The following SHANK2 variants were observed in gnomAD, a reference collection of about 807,000 sequenced individuals.
The protein encoded by SHANK2 is SH3 and multiple ankyrin repeat domains protein 2.
A neutral mutation model predicts 133.7 loss-of-function variants in SHANK2; 43 were observed. That is an observed-to-expected ratio of 0.32 (90% confidence interval 0.25 to 0.41). The LOEUF (loss-of-function observed/expected upper bound fraction) is 0.41, where lower values mean the gene tolerates loss of function less well. SHANK2 is among the 10% of genes least tolerant of loss of function. The probability of loss-of-function intolerance (pLI) is 1.00; values close to 1 mark genes in which losing one functional copy is unlikely to be tolerated. For synonymous variants in SHANK2, 1,017 were observed against 952.8 expected, an observed-to-expected ratio of 1.07 and a Z score of -1.24; for missense variants, 1,994 against 2,235.8, an observed-to-expected ratio of 0.89 and a Z score of 2.18.
intron 14 of SHANK2, among the ~76,000 whole-genome samples, chr11:70,725,264 C>T (rs782328581): frequency 3.9e-5 from 6 of 152,236 alleles, no homozygotes; most frequent in Non-Finnish European, 8.8e-5. Flanking sequence ...ATGCCACTAA[C>T]ACCCCAAAGC....
At chr11:70,644,153 C>A (rs73523888) in intron 17 of SHANK2, among the ~76,000 whole-genome samples, 10,450 of 152,170 alleles carry the variant, frequency 0.069, 659 homozygotes, top group African/African-American at 0.17. Context: ...TTAAAAATTC[C>A]AAATTTAAAA....
intron 2 of SHANK2, among the ~76,000 whole-genome samples, chr11:71,192,803 T>C (rs1208118846): frequency 6.6e-6 from 1 of 152,212 alleles, no homozygotes; most frequent in Non-Finnish European, 1.5e-5. Flanking sequence ...TCAGAGGCTA[T>C]CAGCTCATAA....
intron 10 of SHANK2, among the ~76,000 whole-genome samples, chr11:70,905,185 G>A (rs1950081552): frequency 6.6e-6 from 1 of 152,084 alleles, no homozygotes; most frequent in Non-Finnish European, 1.5e-5. Context: ...GAGGACCTGG[G>A]GCTGTCTGGT....
intron 21 of SHANK2, among the ~76,000 whole-genome samples, chr11:70,497,377 G>A (rs1423815464): frequency 4.6e-5 from 7 of 152,350 alleles, no homozygotes; most frequent in African/African-American, 1.7e-4. Context: ...TCTGGATGAA[G>A]GGGATTAGTG....
intron 11 of SHANK2, among the ~76,000 whole-genome samples, chr11:70,878,321 C>G (rs1555071746): frequency 6.6e-6 from 1 of 152,160 alleles, no homozygotes; most frequent in African/African-American, 2.4e-5. Context: ...AGGTCTAGAC[C>G]CTAACACTGG....
At chr11:70,809,903 A>G (rs1246615513) in intron 12 of SHANK2, among the ~76,000 whole-genome samples, 1 of 152,186 alleles carries the variant, frequency 6.6e-6, no homozygotes, top group Non-Finnish European at 1.5e-5. Flanking sequence ...CACAGCCACA[A>G]ATGTGGCAGT....
chr11:70,776,270 C>T (rs551604979), intron 14 of SHANK2, among the ~76,000 whole-genome samples: 1 of 152,340 alleles, frequency 6.6e-6, no homozygotes, highest in East Asian at 1.9e-4. Context: ...GGTCACCCAC[C>T]CCTCCCATGT....
rs547608916 is a variant in SHANK2 at position 70,911,074 on chromosome 11, C to T, written c.1108-14507G>A. The T allele has an allele frequency of 1.8e-5, 8 of 456,992 alleles. No homozygotes were observed. The East Asian group carries it at 5.6e-4, about 32-fold the overall frequency. 28.3% of individuals were successfully genotyped at this position (456,992 alleles called of 1,614,324 possible). The stretch of plus-strand genomic sequence containing the variant: ...CAGAAGATCGGCATTCACCCCCAGA[C>T]TTCCTCCAAAATCACTCCACAGGCA... On this transcript the variant is annotated intron_variant, in intron 10 of 25. Coordinates refer to ENST00000601538, the MANE Select transcript of SHANK2 (RefSeq NM_012309.5).
chr11:71,217,709 T>C (rs1239595111), intron 2 of SHANK2, among the ~76,000 whole-genome samples: 4 of 152,210 alleles, frequency 2.6e-5, no homozygotes, highest in Non-Finnish European at 5.9e-5. Context: ...GATTTGTGTC[T>C]TAGTTTTTAA....
chr11:70,828,501 C>A (rs1555057661), intron 11 of SHANK2, among the ~76,000 whole-genome samples: 1 of 152,252 alleles, frequency 6.6e-6, no homozygotes, highest in African/African-American at 2.4e-5. Context: ...AGAGTTCATG[C>A]ACCTCCTCGG....
rs2059529013 is a variant in SHANK2, at chr11:70,535,295, C to A, written c.2062-32364G>T. On this transcript the variant is annotated intron_variant, in intron 17 of 25. Coordinates refer to ENST00000601538, the MANE Select transcript of SHANK2 (RefSeq NM_012309.5). The surrounding 1 kb of genome is among the most constrained non-coding windows in gnomAD (Gnocchi z 4.3). ...TCTGTCCTTCCATCCATCCTCTATC[C>A]TCCATCATTCAGTCCATCCATCACT... Among the ~76,000 whole-genome samples, 1 of 152,024 alleles carries A rather than the reference C, an allele frequency of 6.6e-6. No individual in the cohort carries two copies. The highest frequency in any genetic ancestry group is 2.4e-5 in the African/African-American group (1 of 41,376).
In SHANK2 at chr11:70,718,700, C is replaced by CTTTTT. The variant is rs60414874; in HGVS notation, c.1778-19942_1778-19938dup. ...CTCCCTTTTTGATAGAGCTCATTCT[C>CTTTTT]TTTTTTTTTTTTTGAATTGCTGGCC... On this transcript the variant is annotated intron_variant, in intron 14 of 25. Coordinates refer to ENST00000601538, the MANE Select transcript of SHANK2 (RefSeq NM_012309.5). 4.9e-4 allele frequency among the ~76,000 whole-genome samples: 63 copies of CTTTTT among 129,784 alleles called. 1 individual carries two copies. The highest frequency in any genetic ancestry group is 6.9e-4 in the Non-Finnish European group (44 of 63,666). The allele number at this position is 129,784 out of a possible 152,430, so 85.1% of individuals were successfully genotyped here.
chr11:70,918,026 T>TCG (rs1950293785), intron 10 of SHANK2, among the ~76,000 whole-genome samples: 1 of 149,934 alleles, frequency 6.7e-6, no homozygotes, highest in Non-Finnish European at 1.5e-5. Flanking sequence ...AGTTTTTTTT[T>TCG]TTTTTTTTTT....
At chr11:71,247,819 C>A (rs1241948943) in intron 1 of SHANK2, among the ~76,000 whole-genome samples, 2 of 152,166 alleles carry the variant, frequency 1.3e-5, no homozygotes, top group African/African-American at 4.8e-5. Context: ...CTGAGCTAAC[C>A]CCAGAGTCGC....
chr11:70,614,771 A>G (rs555464444), intron 17 of SHANK2, among the ~76,000 whole-genome samples: 1 of 152,282 alleles, frequency 6.6e-6, no homozygotes, highest in Admixed American at 6.5e-5. Flanking sequence ...GATCTCCAAG[A>G]GTCTGTGTGC....
At chr11:70,831,162 C>T (rs1256910380) in intron 11 of SHANK2, among the ~76,000 whole-genome samples, 2 of 152,156 alleles carry the variant, frequency 1.3e-5, no homozygotes, top group East Asian at 1.9e-4. Flanking sequence ...AAGCTATCCA[C>T]CTGCCTGCCT....
chr11:70,657,360 A>G (rs12272486), intron 17 of SHANK2, among the ~76,000 whole-genome samples: 5,235 of 152,310 alleles, frequency 0.034, 309 homozygotes, highest in African/African-American at 0.12. Flanking sequence ...GCTCTTCACT[A>G]AAAATAGAGA....
intron 14 of SHANK2, among the ~76,000 whole-genome samples, chr11:70,736,756 C>T (rs1011891363): frequency 1.2e-4 from 19 of 152,250 alleles, no homozygotes; most frequent in Admixed American, 4.6e-4. Flanking sequence ...CTCCCCGCCA[C>T]GCACCCCAAC....
intron 10 of SHANK2, among the ~76,000 whole-genome samples, chr11:70,947,657 C>A (rs565983160): frequency 6.6e-6 from 1 of 152,128 alleles, no homozygotes; most frequent in African/African-American, 2.4e-5. Context: ...TGAGCCACTG[C>A]GCCTGGCCTG....
Sources: allele counts gnomAD v4.1 joint callset (sites outside exome capture counted in the v4.1 genomes callset), GRCh38; gene constraint gnomAD v4.1.1; non-coding constraint Gnocchi (gnomAD v3.1); transcripts MANE v1.5; gene names NCBI Gene and HGNC (gene_info 2026-07-23, HGNC 2026-07-21).